Variants in ST7L observed in about 807,000 individuals in gnomAD.
ST7L encodes suppression of tumorigenicity 7 like.
In ST7L, 57 loss-of-function variants were observed where a neutral mutation model predicts 72.5. That is an observed-to-expected ratio of 0.79 (90% CI 0.64 to 0.98). ST7L has a LOEUF of 0.98. Among genes scored for constraint, ST7L ranks in the 50% least tolerant of loss-of-function variants. The pLI is 0.00. For missense variants in ST7L, 576 were observed against 672.2 expected (o/e 0.86, Z 1.58); for synonymous variants, 221 against 240.9 (o/e 0.92, Z 0.77).
intron 13 of ST7L, among the ~76,000 whole-genome samples, chr1:112,543,885 A>AC (rs965735309): frequency 2.0e-5 from 3 of 151,546 alleles, no homozygotes; most frequent in African/African-American, 4.8e-5. Context: ...AAAAAAAAAA[A>AC]AAAAAACCTA....
chr1:112,602,712 T>TA (rs1667604742), intron 3 of ST7L, among the ~76,000 whole-genome samples: 1 of 142,642 alleles, frequency 7.0e-6, no homozygotes, highest in African/African-American at 2.7e-5. Context: ...ACATTTTCTT[T>TA]CTTTTTTTTT....
Position 112,610,675 on chromosome 1 carries a change from T to A in ST7L, c.451+166A>T, listed in dbSNP as rs1468292671. ...TGAGGGCACTGCCCTCATGACCTGATCACCTCCCAAAGACCCTACCTCGTA... is the reference window on the plus strand; with the variant it reads ...TGAGGGCACTGCCCTCATGACCTGAACACCTCCCAAAGACCCTACCTCGTA... On this transcript the variant is annotated intron_variant, in intron 3 of 14. Coordinates refer to ENST00000358039, the MANE Select transcript of ST7L (RefSeq NM_017744.5). 1.0e-5 allele frequency: 8 copies of A among 793,456 alleles called. No individual in the cohort carries two copies. The South Asian group carries it at 1.5e-4, about 15-fold the overall frequency. 49.2% of individuals were successfully genotyped at this position (793,456 alleles called of 1,614,324 possible).
intron 3 of ST7L, among the ~76,000 whole-genome samples, chr1:112,609,154 T>G (rs1277704193): frequency 6.6e-6 from 1 of 151,792 alleles, no homozygotes; most frequent in African/African-American, 2.4e-5. Flanking sequence ...TACTGAGACC[T>G]CATCTCTATT....
In ST7L at chr1:112,619,021, C is replaced by T. The variant is rs532678449; in HGVS notation, c.93G>A (p.Glu31=). Residue 31 remains glutamate, a synonymous_variant, in exon 1 of 15, where the codon GAG becomes GAA. Coordinates refer to ENST00000358039, the MANE Select transcript of ST7L (RefSeq NM_017744.5). ...PGLNPTLGWR[E]RLRAGLAGTG... is the part of the protein sequence containing the mutation. ...TCCCCGCCAGCCCGGCCCGCAGTCG[C>T]TCCCTCCAGCCTAGCGTCGGGTTTA... 33 of 1,613,786 alleles carry T rather than the reference C, an allele frequency of 2.0e-5. No individual in the cohort carries two copies. The South Asian group carries it at 3.2e-4, about 16-fold the overall frequency.
At position 112,555,788 on chromosome 1, in the gene ST7L, C is replaced by T. The variant is rs549680742; in HGVS notation, c.1396+80G>A. 1.9e-4 allele frequency: 240 copies of T among 1,289,700 alleles called. 1 individual carries two copies. The Middle Eastern group carries it at 2.1e-3, about 11-fold the overall frequency. 79.9% of individuals were successfully genotyped at this position (1,289,700 alleles called of 1,614,324 possible). A position where few individuals can be genotyped will look rare whatever the true frequency, so the allele number is the denominator to read the frequency against. On this transcript the variant is annotated intron_variant, in intron 12 of 14. Transcript: ENST00000358039. ...CGACAAATCCTTATGGAAACCCAGA[C>T]AATCTCATTTAAAAAGACTGCCTGT...
At chr1:112,592,436 C>T (rs1665855137) in intron 5 of ST7L, among the ~76,000 whole-genome samples, 1 of 152,142 alleles carries the variant, frequency 6.6e-6, no homozygotes, top group Non-Finnish European at 1.5e-5. Flanking sequence ...GAAAAGGAGT[C>T]AATATATTCC....
chr1:112,595,125 GA>G (rs1452779521), intron 5 of ST7L, among the ~76,000 whole-genome samples: 1 of 151,688 alleles, frequency 6.6e-6, no homozygotes, highest in Non-Finnish European at 1.5e-5. Context: ...TAGCAATTTG[GA>G]AGACCAAGGG....
At chr1:112,574,663 A>G (rs988033645) in intron 11 of ST7L, among the ~76,000 whole-genome samples, 1 of 152,016 alleles carries the variant, frequency 6.6e-6, no homozygotes, top group Non-Finnish European at 1.5e-5. Flanking sequence ...CGTCTCAAAA[A>G]AAAAAGAAAA....
chr1:112,595,353 A>C (rs1375232713), intron 5 of ST7L, among the ~76,000 whole-genome samples: 1 of 150,112 alleles, frequency 6.7e-6, no homozygotes, highest in African/African-American at 2.5e-5. Flanking sequence ...CAACAAAAGC[A>C]AAACTTGGTC....
At chr1:112,587,679 T>C (rs569014221) in intron 6 of ST7L, among the ~76,000 whole-genome samples, 147 of 152,378 alleles carry the variant, frequency 9.6e-4, no homozygotes, top group African/African-American at 3.2e-3. Context: ...TTTGAATCCA[T>C]TGATCTAGGT....
downstream of ST7L, chr1:112,520,711 T>G: frequency 1.7e-6 from 1 of 605,624 alleles, no homozygotes; most frequent in East Asian, 2.8e-5. Flanking sequence ...TATAAGAAAC[T>G]GAGCAAGCTC....
chr1:112,565,402 G>A (rs1430402255), intron 11 of ST7L, among the ~76,000 whole-genome samples: 2 of 151,720 alleles, frequency 1.3e-5, no homozygotes, highest in African/African-American at 2.4e-5. Context: ...TACAGATAGC[G>A]AATTTCTAAA....
upstream of ST7L, chr1:112,619,650 C>G (rs923663073): frequency 1.7e-6 from 1 of 591,580 alleles, no homozygotes. Flanking sequence ...TCACCTAAGG[C>G]AAACCCTACT....
chr1:112,556,997 A>AAAAAAAAAAAAAAAAAC (rs1557974323), intron 11 of ST7L, among the ~76,000 whole-genome samples: 3 of 142,664 alleles, frequency 2.1e-5, no homozygotes, highest in African/African-American at 8.7e-5. Context: ...AAAAAAAAAA[A>AAAAAAAAAAAAAAAAAC]ACACAAAGAA....
At chr1:112,579,958 T>G (rs891541988) in intron 9 of ST7L, among the ~76,000 whole-genome samples, 1 of 152,226 alleles carries the variant, frequency 6.6e-6, no homozygotes, top group Admixed American at 6.5e-5. Flanking sequence ...GTAAGTTACA[T>G]ATGGAAAGAA....
chr1:112,598,115 A>G (rs760768545), intron 4 of ST7L, 29 bp from the exon 5 acceptor site: 11 of 1,532,334 alleles, frequency 7.2e-6, no homozygotes, highest in Non-Finnish European at 9.9e-6. Context: ...AAATATTTAA[A>G]TTGAACATGA....
chr1:112,611,191 A>T (rs1467020979), intron 2 of ST7L, among the ~76,000 whole-genome samples, 188 bp from the exon 3 acceptor site: 1 of 152,274 alleles, frequency 6.6e-6, no homozygotes, highest in Non-Finnish European at 1.5e-5. Context: ...TACATTTTTT[A>T]TAGTTCCGTC....
intron 14 of ST7L, chr1:112,529,562 T>C (rs908333761): frequency 2.0e-5 from 3 of 152,168 alleles, no homozygotes; most frequent in Non-Finnish European, 4.4e-5. Context: ...TCTAACTGGC[T>C]TATTTTTCAT....
At chr1:112,574,422 G>A (rs112656784) in intron 11 of ST7L, among the ~76,000 whole-genome samples, 4,613 of 151,788 alleles carry the variant, frequency 0.03, 254 homozygotes, top group African/African-American at 0.1. Context: ...CACTTTGGGA[G>A]GCCAAGGCGG....
Sources: allele counts gnomAD v4.1 joint callset (sites outside exome capture counted in the v4.1 genomes callset), GRCh38; gene constraint gnomAD v4.1.1; transcripts MANE v1.5; gene names NCBI Gene and HGNC (gene_info 2026-07-23, HGNC 2026-07-21).